Variants in ZFR observed in about 807,000 individuals in gnomAD.
ZFR encodes zinc finger RNA-binding protein.
Under a neutral mutation model 130.7 loss-of-function variants are expected in ZFR, and 19 were observed. The observed-to-expected ratio is 0.15, with a 90% CI of 0.10 to 0.21. The LOEUF (loss-of-function observed/expected upper bound fraction) is 0.21. Ranked by LOEUF, ZFR falls within the 10% of genes least tolerant of loss-of-function variation. The pLI is 1.00. For synonymous variants in ZFR, 466 were observed against 456.9 expected (o/e 1.02, Z -0.25); for missense variants, 872 against 1,321.5 (o/e 0.66, Z 5.27).
Position 32,400,203 on chromosome 5 carries a change from C to A in ZFR, c.1517G>T (p.Gly506Val), listed in dbSNP as rs780004760. 19 of 1,570,844 alleles carry A rather than the reference C, an allele frequency of 1.2e-5. No individual in the cohort carries two copies. Among genetic ancestry groups the A allele is most frequent in the Non-Finnish European group, 1.5e-5 (17 of 1,162,770 alleles). ...KTSTPKINFV[G>V]GNKLQSTGNK... ...TCCTGTTGACTGCAGCTTATTACCA[C>A]CTAGAAAAGTATCAAAAAGTTAAAA... Residue 506 changes from glycine to valine, a missense_variant and splice_region_variant, in exon 9 of 20, where the codon GGT becomes GTT. Around this residue, in one of 7 missense-constraint regions of ZFR, gnomAD observed 143 missense variants for 137.9 expected, o/e 1.04. Coordinates refer to ENST00000265069, the MANE Select transcript of ZFR (RefSeq NM_016107.5).
chr5:32,378,256 T>G (rs1050884259), intron 17 of ZFR, among the ~76,000 whole-genome samples: 2 of 152,148 alleles, frequency 1.3e-5, no homozygotes, highest in Admixed American at 1.3e-4. Flanking sequence ...TAAATGTCTA[T>G]CAAATGAATG....
chr5:32,369,485 T>TAAAAC (rs70961625), intron 17 of ZFR, among the ~76,000 whole-genome samples: 1,605 of 150,834 alleles, frequency 0.011, 14 homozygotes, highest in East Asian at 0.047. Context: ...TATCATTCTT[T>TAAAAC]AAAACAAAAC....
intron 2 of ZFR, among the ~76,000 whole-genome samples, chr5:32,423,032 C>G (rs943100758): frequency 6.6e-6 from 1 of 151,762 alleles, no homozygotes; most frequent in Non-Finnish European, 1.5e-5. Context: ...TCAAGACTTC[C>G]AGGCAATCTT....
chr5:32,380,640 A>G (rs982637103), intron 15 of ZFR, among the ~76,000 whole-genome samples: 2 of 144,706 alleles, frequency 1.4e-5, no homozygotes, highest in African/African-American at 2.5e-5. Context: ...AGAACCCAAA[A>G]CAGGCATTTC....
chr5:32,369,650 TA>T (rs113408258), intron 17 of ZFR, among the ~76,000 whole-genome samples: 2,548 of 146,442 alleles, frequency 0.017, 35 homozygotes, highest in Non-Finnish European at 0.027. Context: ...TACAAAAAAT[TA>T]AAAAAAAAAA....
intron 15 of ZFR, among the ~76,000 whole-genome samples, chr5:32,383,477 T>A (rs1419413177): frequency 6.6e-6 from 1 of 152,242 alleles, no homozygotes; most frequent in Non-Finnish European, 1.5e-5. Flanking sequence ...TTACTTAATG[T>A]TTAACTGTCA....
intron 11 of ZFR, among the ~76,000 whole-genome samples, chr5:32,390,647 G>A (rs1446586806): frequency 6.6e-6 from 1 of 152,108 alleles, no homozygotes; most frequent in Non-Finnish European, 1.5e-5. Flanking sequence ...TTCAGCCTGA[G>A]GAAAAAGTAA....
intron 5 of ZFR, among the ~76,000 whole-genome samples, chr5:32,411,714 G>GGGGGT (rs138920140): frequency 1.8e-5 from 1 of 54,612 alleles, no homozygotes; most frequent in Non-Finnish European, 3.3e-5. Context: ...AATTGAGGGG[G>GGGGGT]GGCGGGGAAT....
At chr5:32,393,107 C>T (rs1353792604) in intron 11 of ZFR, among the ~76,000 whole-genome samples, 1 of 152,156 alleles carries the variant, frequency 6.6e-6, no homozygotes, top group Non-Finnish European at 1.5e-5. Flanking sequence ...CATATGAACA[C>T]AAAAGCAAAC....
intron 8 of ZFR, 57 bp downstream of exon 8, chr5:32,403,049 T>C (rs913483004): frequency 2.6e-6 from 4 of 1,543,892 alleles, no homozygotes; most frequent in Non-Finnish European, 2.7e-6. Context: ...AGTGCTGCAA[T>C]GGAGAAGAAA....
chr5:32,413,584 GA>G (rs1240633491), intron 5 of ZFR, among the ~76,000 whole-genome samples: 6 of 151,916 alleles, frequency 3.9e-5, no homozygotes, highest in African/African-American at 1.4e-4. Context: ...CAGAGAAAGA[GA>G]AAGGAAAGGA....
At chr5:32,401,866 T>C (rs905774885) in intron 8 of ZFR, among the ~76,000 whole-genome samples, 3 of 152,018 alleles carry the variant, frequency 2.0e-5, no homozygotes, top group African/African-American at 7.2e-5. Flanking sequence ...ATTATAGAGA[T>C]AGAAACAAGA....
chr5:32,420,813 A>G (rs1348752549), intron 2 of ZFR, among the ~76,000 whole-genome samples: 1 of 152,234 alleles, frequency 6.6e-6, no homozygotes, highest in African/African-American at 2.4e-5. Flanking sequence ...GTATGTCAAT[A>G]GTGCTGAGGG....
At position 32,438,253 on chromosome 5, in the gene ZFR, A is replaced by ATTTTTTTTTTTTTTTTT. The variant is rs869249272; in HGVS notation, c.137+5959_137+5975dup. On this transcript the variant is annotated intron_variant, in intron 2 of 19. Transcript: ENST00000265069. ...AGAATGCTACTGATTTTATCTGAAA[A>ATTTTTTTTTTTTTTTTT]TTTTTTTTTTTTTTTTTTTTTTTTT... is the stretch of plus-strand genomic sequence containing the variant. Among the ~76,000 whole-genome samples, 63 of 61,062 alleles carry ATTTTTTTTTTTTTTTTT rather than the reference A, an allele frequency of 1.0e-3. 10 individuals are homozygous for ATTTTTTTTTTTTTTTTT. The highest frequency in any genetic ancestry group is 1.7e-3 in the African/African-American group (24 of 13,956). 40.1% of individuals were successfully genotyped at this position (61,062 alleles called of 152,430 possible).
At chr5:32,409,519 C>G (rs994256276) in intron 5 of ZFR, among the ~76,000 whole-genome samples, 1 of 150,904 alleles carries the variant, frequency 6.6e-6, no homozygotes, top group African/African-American at 2.4e-5. Context: ...GATTCTTGTA[C>G]CTCAGCCTCC....
At chr5:32,437,236 A>T (rs1384218643) in intron 2 of ZFR, among the ~76,000 whole-genome samples, 1 of 152,168 alleles carries the variant, frequency 6.6e-6, no homozygotes, top group Non-Finnish European at 1.5e-5. Context: ...CTTAATTATA[A>T]TGGCATAGTT....
chr5:32,424,468 T>G (rs574245493), intron 2 of ZFR, among the ~76,000 whole-genome samples: 2 of 151,526 alleles, frequency 1.3e-5, no homozygotes, highest in Non-Finnish European at 2.9e-5. Context: ...AAGGCGGAGC[T>G]TGCAGTGAGC....
intron 6 of ZFR, 31 bp from the exon 7 acceptor site, chr5:32,404,128 T>A: frequency 6.5e-7 from 1 of 1,543,056 alleles, no homozygotes; most frequent in Non-Finnish European, 8.8e-7. Context: ...ACATTTTGCT[T>A]CACTAATTTT....
At chr5:32,382,029 C>T (rs1391638782) in intron 15 of ZFR, among the ~76,000 whole-genome samples, 1 of 152,156 alleles carries the variant, frequency 6.6e-6, no homozygotes, top group Non-Finnish European at 1.5e-5. Flanking sequence ...GGGCCAGGTG[C>T]AGTGGCTCAT....
Sources: allele counts gnomAD v4.1 joint callset (sites outside exome capture counted in the v4.1 genomes callset), GRCh38; gene constraint gnomAD v4.1.1; regional missense constraint gnomAD v4.1.1; transcripts MANE v1.5; gene names NCBI Gene and HGNC (gene_info 2026-07-23, HGNC 2026-07-21).